Variants in USP31 observed in about 807,000 individuals in gnomAD.
USP31 encodes ubiquitin specific peptidase 31.
A neutral mutation model predicts 119.4 loss-of-function variants in USP31; 44 were observed. The ratio of observed to expected loss-of-function variants is 0.37; its 90% CI spans 0.29 to 0.47. USP31 has a LOEUF of 0.47. Ranked by LOEUF, USP31 falls within the 20% of genes least tolerant of loss-of-function variation. USP31 has a pLI of 0.99. For missense variants in USP31, 1,643 were observed against 1,730.2 expected (o/e 0.95, Z 0.89); for synonymous variants, 749 against 705.6 (o/e 1.06, Z -0.97).
intron 6 of USP31, among the ~76,000 whole-genome samples, chr16:23,093,444 T>C (rs971010224): frequency 3.9e-5 from 6 of 152,224 alleles, no homozygotes; most frequent in Admixed American, 1.3e-4. Flanking sequence ...TTCATCATCA[T>C]TTACTATTAG....
In USP31 at chr16:23,102,401, C is replaced by T. The variant is rs749360853; in HGVS notation, c.1152G>A (p.Leu384=). Residue 384 remains leucine, a synonymous_variant, in exon 6 of 16, where the codon CTG becomes CTA. Transcript: ENST00000219689. ...FHRSFCDTDD[L]ETVHESDCIF... is the part of the protein sequence containing the mutation. Reference sequence around the variant, plus strand: ...TGCAGTCGCTTTCATGGACTGTTTCCAGGTCGTCTGTATCACAAAAGGAAC... The same window carrying T: ...TGCAGTCGCTTTCATGGACTGTTTCTAGGTCGTCTGTATCACAAAAGGAAC... 1.9e-6 allele frequency: 3 copies of T among 1,613,650 alleles called. No homozygotes were observed. The highest frequency in any genetic ancestry group is 1.7e-5 in the Admixed American group (1 of 59,984).
At chr16:23,095,360 T>C (rs1368342573) in intron 6 of USP31, among the ~76,000 whole-genome samples, 1 of 152,082 alleles carries the variant, frequency 6.6e-6, no homozygotes, top group Non-Finnish European at 1.5e-5. Context: ...AAAGACCAAA[T>C]CTATGTTTGA....
chr16:23,139,756 T>C (rs893924622), intron 1 of USP31, among the ~76,000 whole-genome samples: 1 of 152,234 alleles, frequency 6.6e-6, no homozygotes, highest in Admixed American at 6.5e-5. Flanking sequence ...GGGAAGGTCA[T>C]ATCCTATGGC....
intron 6 of USP31, among the ~76,000 whole-genome samples, chr16:23,094,071 C>T (rs1421891113): frequency 1.3e-5 from 2 of 152,212 alleles, no homozygotes; most frequent in South Asian, 4.1e-4. Flanking sequence ...CTCAAGGGGT[C>T]GGGGGATTTC....
chr16:23,094,996 G>A (rs1437770072), intron 6 of USP31, among the ~76,000 whole-genome samples: 1 of 152,220 alleles, frequency 6.6e-6, no homozygotes, highest in African/African-American at 2.4e-5. Flanking sequence ...AAGCTGGATG[G>A]AGAATGACTT....
chr16:23,148,541 C>CT, intron 1 of USP31, 97 bp downstream of exon 1: 1 of 1,371,150 alleles, frequency 7.3e-7, no homozygotes, highest in Non-Finnish European at 9.3e-7. Flanking sequence ...ATGCAGAAGC[C>CT]TGCCGGGCCA....
chr16:23,111,904 A>G (rs1163702739), intron 1 of USP31, among the ~76,000 whole-genome samples: 1 of 152,240 alleles, frequency 6.6e-6, no homozygotes, highest in Non-Finnish European at 1.5e-5. Context: ...TAAGACAACG[A>G]TAACAGAGGT....
At chr16:23,095,328 C>CA (rs1270480755) in intron 6 of USP31, among the ~76,000 whole-genome samples, 2 of 152,034 alleles carry the variant, frequency 1.3e-5, no homozygotes, top group East Asian at 3.9e-4. Context: ...ACAAAGCTTC[C>CA]AAAAAATATG....
chr16:23,085,865 AC>A (rs1159155357), intron 9 of USP31, among the ~76,000 whole-genome samples: 5 of 152,308 alleles, frequency 3.3e-5, no homozygotes, highest in Admixed American at 3.3e-4. Flanking sequence ...AAACTGAAAA[AC>A]CCTTAAATTA....
intron 15 of USP31, among the ~76,000 whole-genome samples, chr16:23,070,979 C>A (rs547224019): frequency 2.0e-5 from 3 of 152,246 alleles, no homozygotes; most frequent in African/African-American, 7.2e-5. Flanking sequence ...CTTATTGAGG[C>A]TTATCGTTAA....
intron 6 of USP31, among the ~76,000 whole-genome samples, chr16:23,091,537 G>A (rs1166170312): frequency 6.6e-6 from 1 of 152,078 alleles, no homozygotes; most frequent in Non-Finnish European, 1.5e-5. Context: ...AACCCCTCCT[G>A]CCACCACCAT....
In USP31 at chr16:23,143,448, T is replaced by C. The variant is rs372188440; in HGVS notation, c.633+5190A>G. Among the ~76,000 whole-genome samples, 15 of 151,940 alleles carry C rather than the reference T, an allele frequency of 9.9e-5. No individual in the cohort carries two copies. In the East Asian group the frequency reaches 2.7e-3, roughly 27 times the overall value. ...AAAATGGCATATTATGTATTCAAAGTGATTTATTTACTCTCACTATTTTAC... is the reference window on the plus strand; with the variant it reads ...AAAATGGCATATTATGTATTCAAAGCGATTTATTTACTCTCACTATTTTAC... On this transcript the variant is annotated intron_variant, in intron 1 of 15. Coordinates refer to ENST00000219689, the MANE Select transcript of USP31 (RefSeq NM_020718.4).
chr16:23,146,447 G>A (rs1379090176), intron 1 of USP31, among the ~76,000 whole-genome samples: 1 of 152,096 alleles, frequency 6.6e-6, no homozygotes, highest in Non-Finnish European at 1.5e-5. Flanking sequence ...TTGCTTGATT[G>A]AACACAGGAG....
chr16:23,130,418 C>CA (rs1567246002), intron 1 of USP31, among the ~76,000 whole-genome samples: 1 of 151,734 alleles, frequency 6.6e-6, no homozygotes, highest in African/African-American at 2.4e-5. Context: ...ACACCCCCCC[C>CA]CCAACTAATA....
At chr16:23,102,670 AT>A (rs1174737722) in intron 5 of USP31, among the ~76,000 whole-genome samples, 4 of 152,168 alleles carry the variant, frequency 2.6e-5, no homozygotes, top group Non-Finnish European at 5.9e-5. Flanking sequence ...ACCCCTCCAT[AT>A]CTGTGGGTGC....
chr16:23,069,455 A>C lies in USP31; in HGVS notation c.2650T>G (p.Ser884Ala). The C allele has an allele frequency of 6.2e-7, 1 of 1,614,176 alleles. No individual in the cohort carries two copies. Among genetic ancestry groups the C allele is most frequent in the Non-Finnish European group, 8.5e-7 (1 of 1,180,028 alleles). The change falls in exon 16 of 16, where the codon TCA (serine) becomes GCA (alanine). Residue 884 changes from serine to alanine, a missense_variant. Physicochemically the swap from Ser to Ala is moderately conservative, Grantham distance 99. This residue lies in a region of USP31 where 699 missense variants were observed against 650.9 expected (regional missense o/e 1.07). Coordinates refer to ENST00000219689, the MANE Select transcript of USP31 (RefSeq NM_020718.4). ...GAGCTGTGAATTGGCGAATCCCCTG[A>C]AAATCGGGATGGAGAATTGGAGCGC... ...QMRSNSPSRFSGDSPIHSSAS... is the reference protein window; with the variant it reads ...QMRSNSPSRFAGDSPIHSSAS...
At chr16:23,072,900 T>G (rs1169096955) in intron 14 of USP31, among the ~76,000 whole-genome samples, 2 of 151,960 alleles carry the variant, frequency 1.3e-5, no homozygotes, top group Admixed American at 1.3e-4. Context: ...TGGGTGGGCT[T>G]GGCCCCCAGC....
chr16:23,100,069 A>G (rs555311116), intron 6 of USP31, among the ~76,000 whole-genome samples: 4 of 152,312 alleles, frequency 2.6e-5, no homozygotes, highest in Non-Finnish European at 4.4e-5. Context: ...ACCCTCAAAC[A>G]CTGCTGATAA....
intron 5 of USP31, 33 bp downstream of exon 5, chr16:23,105,408 C>A: frequency 6.5e-7 from 1 of 1,532,814 alleles, no homozygotes; most frequent in Non-Finnish European, 8.8e-7. Flanking sequence ...ACTTTTGTGG[C>A]TCATGTGTAA....
Sources: allele counts gnomAD v4.1 joint callset (sites outside exome capture counted in the v4.1 genomes callset), GRCh38; gene constraint gnomAD v4.1.1; regional missense constraint gnomAD v4.1.1; transcripts MANE v1.5; gene names NCBI Gene and HGNC (gene_info 2026-07-23, HGNC 2026-07-21).